ENOX1: variants seen among roughly 807,000 people sequenced by gnomAD.
ENOX1 encodes the protein ecto-NOX disulfide-thiol exchanger 1, also known as candidate growth-related and time keeping constitutive hydroquinone (NADH) oxidase.
In ENOX1, 42 loss-of-function variants were observed where a neutral mutation model predicts 82.5. The ratio of observed to expected loss-of-function variants is 0.51; its 90% CI spans 0.40 to 0.66. The LOEUF (loss-of-function observed/expected upper bound fraction) is 0.66. ENOX1 is among the 30% of genes least tolerant of loss of function. ENOX1 has a pLI of 0.00. For missense variants in ENOX1, 608 were observed against 811.6 expected (o/e 0.75, Z 3.05); for synonymous variants, 271 against 282.2 (o/e 0.96, Z 0.40).
chr13:43,671,764 G>C (rs2085279504), intron 1 of ENOX1, among the ~76,000 whole-genome samples: 2 of 152,084 alleles, frequency 1.3e-5, no homozygotes, highest in East Asian at 1.9e-4. Flanking sequence ...TGTCTGGATA[G>C]AGCTCAAGGA....
At chr13:43,290,418 C>T (rs2045934228) in intron 12 of ENOX1, among the ~76,000 whole-genome samples, 1 of 151,886 alleles carries the variant, frequency 6.6e-6, no homozygotes, top group African/African-American at 2.4e-5. Context: ...CAACTACAAC[C>T]ATAAAAAAGA....
intron 9 of ENOX1, among the ~76,000 whole-genome samples, chr13:43,335,628 A>G (rs2048655557): frequency 6.6e-6 from 1 of 152,048 alleles, no homozygotes; most frequent in African/African-American, 2.4e-5. Flanking sequence ...TTCACTTAAT[A>G]TGCACTCCAA....
intron 5 of ENOX1, among the ~76,000 whole-genome samples, chr13:43,402,144 C>T (rs1051813450): frequency 3.3e-5 from 5 of 152,064 alleles, no homozygotes; most frequent in Admixed American, 6.6e-5. Flanking sequence ...TATAAATATA[C>T]TCCATCTGTG....
intron 2 of ENOX1, among the ~76,000 whole-genome samples, chr13:43,491,842 A>G (rs2076629619): frequency 1.3e-5 from 2 of 152,186 alleles, no homozygotes; most frequent in Non-Finnish European, 2.9e-5. Context: ...ATCCACTACT[A>G]AAGAACTTAC....
chr13:43,312,195 T>A (rs1274311897), intron 11 of ENOX1, among the ~76,000 whole-genome samples: 1 of 152,186 alleles, frequency 6.6e-6, no homozygotes, highest in Non-Finnish European at 1.5e-5. Context: ...AGAAGACATA[T>A]TACTTCCAAG....
intron 2 of ENOX1, among the ~76,000 whole-genome samples, chr13:43,635,197 A>G (rs1348453758): frequency 6.6e-6 from 1 of 152,224 alleles, no homozygotes; most frequent in Non-Finnish European, 1.5e-5. Context: ...CAGACTCCAA[A>G]AGGGGGTATA....
At chr13:43,764,752 CCTT>C (rs112018416) in intron 1 of ENOX1, among the ~76,000 whole-genome samples, 108 of 152,298 alleles carry the variant, frequency 7.1e-4, no homozygotes, top group African/African-American at 2.5e-3. Context: ...ACTTTATCCT[CCTT>C]CTTCAAGTTG....
At chr13:43,631,898 T>C (rs191706082) in intron 2 of ENOX1, among the ~76,000 whole-genome samples, 20 of 152,288 alleles carry the variant, frequency 1.3e-4, no homozygotes, top group Admixed American at 1.2e-3. Context: ...CTAAAATTAT[T>C]AAAGAACACT....
At chr13:43,698,034 G>A (rs960392620) in intron 1 of ENOX1, among the ~76,000 whole-genome samples, 8 of 152,158 alleles carry the variant, frequency 5.3e-5, no homozygotes, top group African/African-American at 7.2e-5. Flanking sequence ...AAGAAGATAC[G>A]GTGGTGGATA....
chr13:43,744,266 C>G (rs565962858), intron 1 of ENOX1, among the ~76,000 whole-genome samples: 1 of 151,974 alleles, frequency 6.6e-6, no homozygotes, highest in Admixed American at 6.6e-5. Context: ...TCTCTGAAAA[C>G]AAGTTCTGGG....
intron 6 of ENOX1, 30 bp downstream of exon 6, chr13:43,361,249 G>T: frequency 1.3e-6 from 2 of 1,597,418 alleles, no homozygotes; most frequent in South Asian, 2.3e-5. Flanking sequence ...CATTTAAAAT[G>T]AGCAAATATT....
chr13:43,618,635 G>A (rs2082588063), intron 2 of ENOX1, among the ~76,000 whole-genome samples: 1 of 152,014 alleles, frequency 6.6e-6, no homozygotes, highest in South Asian at 2.1e-4. Flanking sequence ...CTGTTTTGGT[G>A]ACTATGGCCT....
chr13:43,587,129 T>G (rs2081034655), intron 2 of ENOX1, among the ~76,000 whole-genome samples: 1 of 151,928 alleles, frequency 6.6e-6, no homozygotes, highest in African/African-American at 2.4e-5. Context: ...TCCTGGCCAC[T>G]TCATCTAATG....
chr13:43,589,481 T>C (rs116337711), intron 2 of ENOX1, among the ~76,000 whole-genome samples: 34 of 152,230 alleles, frequency 2.2e-4, no homozygotes, highest in African/African-American at 7.7e-4. Flanking sequence ...TTTATATTAC[T>C]TGGGGTGTCA....
At chr13:43,415,979 G>A (rs1240157769) in intron 3 of ENOX1, among the ~76,000 whole-genome samples, 2 of 146,478 alleles carry the variant, frequency 1.4e-5, no homozygotes, top group African/African-American at 2.5e-5. Flanking sequence ...CCCAGACAGG[G>A]CGGCCAGGCA....
chr13:43,501,035 T>C (rs2076962427), intron 2 of ENOX1, among the ~76,000 whole-genome samples: 1 of 151,662 alleles, frequency 6.6e-6, no homozygotes. Context: ...AATATAACAA[T>C]AGTATTTTAC....
At chr13:43,378,438 G>T (rs1278148196) in intron 5 of ENOX1, among the ~76,000 whole-genome samples, 1 of 152,202 alleles carries the variant, frequency 6.6e-6, no homozygotes, top group East Asian at 1.9e-4. Flanking sequence ...CAGTGTATGT[G>T]TGTGATAAAA....
chr13:43,533,531 C>T (rs1010394360), intron 2 of ENOX1, among the ~76,000 whole-genome samples: 4 of 152,082 alleles, frequency 2.6e-5, no homozygotes, highest in African/African-American at 9.7e-5. Context: ...TCCTCACTAC[C>T]TCTGAGTCCA....
At chr13:43,578,540 T>C (rs2080548700) in intron 2 of ENOX1, among the ~76,000 whole-genome samples, 1 of 152,210 alleles carries the variant, frequency 6.6e-6, no homozygotes, top group South Asian at 2.1e-4. Flanking sequence ...AGTTCATGTG[T>C]TATCTTCTCA....
Sources: gnomAD v4.1 joint callset for allele counts (sites outside exome capture counted in the v4.1 genomes callset) on GRCh38, gnomAD v4.1.1 for gene constraint, MANE v1.5 for transcripts, NCBI Gene and HGNC (gene_info 2026-07-23, HGNC 2026-07-21) for gene names.